Variants in GRM2 observed in about 807,000 individuals in gnomAD.
GRM2 encodes the protein glutamate metabotropic receptor 2.
GRM2 carries 35 observed loss-of-function variants against 60.4 expected under a neutral mutation model. The ratio of observed to expected loss-of-function variants is 0.58; its 90% CI spans 0.44 to 0.77. The LOEUF is 0.77. Among genes scored for constraint, GRM2 ranks in the 30% least tolerant of loss-of-function variants. The pLI is 0.00. For missense variants in GRM2, 925 were observed against 1,199.5 expected (o/e 0.77, Z 3.38); for synonymous variants, 437 against 484.1 (o/e 0.90, Z 1.28).
In GRM2 at chr3:51,715,637, A is replaced by T. The variant is rs757850729; in HGVS notation, c.1864A>T (p.Ile622Phe). The change falls in exon 4 of 6, where the codon ATC (isoleucine) becomes TTC (phenylalanine). Residue 622 changes from isoleucine to phenylalanine, a missense_variant. Coordinates refer to ENST00000395052, the MANE Select transcript of GRM2 (RefSeq NM_000839.5). The surrounding 1 kb of genome is among the most constrained non-coding windows in gnomAD (Gnocchi z 9.0). Reference sequence around the variant, plus strand: ...CTTCCTCTGCTACTGCATGACCTTCATCTTCATTGCCAAGCCATCCACGGC... The same window carrying T: ...CTTCCTCTGCTACTGCATGACCTTCTTCTTCATTGCCAAGCCATCCACGGC... Reference protein sequence around the residue: ...GVFLCYCMTFIFIAKPSTAVC... With the variant: ...GVFLCYCMTFFFIAKPSTAVC... 6.2e-7 allele frequency: 1 copy of T among 1,614,152 alleles called. No individual in the cohort carries two copies. Among genetic ancestry groups the T allele is most frequent in the East Asian group, 2.2e-5 (1 of 44,878 alleles).
At position 51,713,115 on chromosome 3, in the gene GRM2, C is replaced by T. The variant is rs556933149; in HGVS notation, c.1093C>T (p.His365Tyr). 2 of 1,613,148 alleles carry T rather than the reference C, an allele frequency of 1.2e-6. No individual in the cohort carries two copies. Among genetic ancestry groups the T allele is most frequent in the East Asian group, 2.2e-5 (1 of 44,880 alleles). ...CSFRQRDCAA[H>Y]SLRAVPFEQE... ...CTTCCGGCAGCGAGACTGCGCAGCC[C>T]ACTCTCTCCGGGCTGTGCCCTTTGA... is the stretch of plus-strand genomic sequence containing the variant. Residue 365 changes from histidine to tyrosine, a missense_variant, in exon 3 of 6, where the codon CAC (histidine) becomes TAC (tyrosine). Physicochemically the swap from His to Tyr is moderately conservative, Grantham distance 83. Coordinates refer to ENST00000395052, the MANE Select transcript of GRM2 (RefSeq NM_000839.5). This position sits in a 1 kb window ranked among gnomAD's most constrained non-coding sequence, Gnocchi z 4.8.
Position 51,717,907 on chromosome 3 carries a change from C to G in GRM2, c.2545+90C>G. 2.1e-6 allele frequency: 3 copies of G among 1,436,026 alleles called. No individual in the cohort carries two copies. The highest frequency in any genetic ancestry group is 2.9e-6 in the Non-Finnish European group (3 of 1,020,604). The allele number at this position is 1,436,026 out of a possible 1,614,324, so 89.0% of individuals were successfully genotyped here. On this transcript the variant is annotated intron_variant, in intron 5 of 5. Transcript: ENST00000395052. This position sits in a 1 kb window ranked among gnomAD's most constrained non-coding sequence, Gnocchi z 6.0. ...AGATCTCTTGTCTGGGGGTGAGGTG[C>G]CCCCCAAATGACACTGGCAGGAGAG...
intron 2 of GRM2, among the ~76,000 whole-genome samples, chr3:51,710,730 C>T (rs1703684455): frequency 6.6e-6 from 1 of 152,248 alleles, no homozygotes; most frequent in South Asian, 2.1e-4. Context: ...CCTACTCTCC[C>T]ACAGGGACCA....
intron 2 of GRM2, among the ~76,000 whole-genome samples, chr3:51,710,849 G>A (rs952492677): frequency 6.6e-6 from 1 of 152,226 alleles, no homozygotes; most frequent in African/African-American, 2.4e-5. Flanking sequence ...CTCTGACTGG[G>A]TCCTACCTCT....
chr3:51,717,963 C>A lies in GRM2; in HGVS notation c.2546-76C>A. 1 of 1,475,018 alleles carries A rather than the reference C, an allele frequency of 6.8e-7. No individual in the cohort carries two copies. The highest frequency in any genetic ancestry group is 9.5e-7 in the Non-Finnish European group (1 of 1,053,020). 91.4% of individuals were successfully genotyped at this position (1,475,018 alleles called of 1,614,324 possible). A position where few individuals can be genotyped will look rare whatever the true frequency, so the allele number is the denominator to read the frequency against. ...GAGAGGGGAGGGGAGGCTTCCCTCA[C>A]AGCCCTGCTTCCCCACTGCCTGCCC... On this transcript the variant is annotated intron_variant, in intron 5 of 5. Coordinates refer to ENST00000395052, the MANE Select transcript of GRM2 (RefSeq NM_000839.5). This position sits in a 1 kb window ranked among gnomAD's most constrained non-coding sequence, Gnocchi z 6.0.
In GRM2 at chr3:51,716,160, C is replaced by T. The variant is rs561943663; in HGVS notation, c.2364+23C>T. On this transcript the variant is annotated intron_variant, in intron 4 of 5. Coordinates refer to ENST00000395052, the MANE Select transcript of GRM2 (RefSeq NM_000839.5). The surrounding 1 kb of genome is among the most constrained non-coding windows in gnomAD (Gnocchi z 4.0). ...CGGGTGAGCTACCTGCCACAGAGGT[C>T]GGGGGAGATGGGACACCAGACCCTC... is the stretch of plus-strand genomic sequence containing the variant. 3.0e-5 allele frequency: 44 copies of T among 1,489,314 alleles called. No homozygotes were observed. The highest frequency in any genetic ancestry group is 3.4e-5 in the South Asian group (3 of 88,026). The allele number at this position is 1,489,314 out of a possible 1,614,324, so 92.3% of individuals were successfully genotyped here.
chr3:51,709,553 T>G, intron 2 of GRM2, 120 bp downstream of exon 2: 1 of 688,912 alleles, frequency 1.5e-6, no homozygotes, highest in South Asian at 2.1e-5. Context: ...GAAGCTTCCT[T>G]GCAGTAGCTT....
intron 2 of GRM2, among the ~76,000 whole-genome samples, chr3:51,709,709 A>C (rs1182927634): frequency 0.011 from 1 of 94 alleles, no homozygotes; most frequent in African/African-American, 0.05. Flanking sequence ...ACACACACAC[A>C]CAGCCCCCCA....
chr3:51,715,976 A>G lies in GRM2; in HGVS notation c.2203A>G (p.Asn735Asp). The change falls in exon 4 of 6, where the codon AAT becomes GAT. Residue 735 changes from asparagine (N) to aspartate (D), a missense_variant. Coordinates refer to ENST00000395052, the MANE Select transcript of GRM2 (RefSeq NM_000839.5). The surrounding 1 kb of genome is among the most constrained non-coding windows in gnomAD (Gnocchi z 9.0). ...DASMLGSLAYNVLLIALCTLY... is the reference protein window; with the variant it reads ...DASMLGSLAYDVLLIALCTLY... Reference sequence around the variant, plus strand: ...AAGTATGTTGGGCTCGCTGGCCTACAATGTGCTCCTCATCGCGCTCTGCAC... The same window carrying G: ...AAGTATGTTGGGCTCGCTGGCCTACGATGTGCTCCTCATCGCGCTCTGCAC... 1.2e-6 allele frequency: 2 copies of G among 1,614,100 alleles called. No homozygotes were observed. Among genetic ancestry groups the G allele is most frequent in the Non-Finnish European group, 1.7e-6 (2 of 1,179,994 alleles).
rs200690482 is a variant in GRM2, at chr3:51,715,166, C to T, written c.1393C>T (p.Arg465Cys). ...CACCTATCTGCGTGCAGGCAGTGGG[C>T]GCTATCGCTACCAGAAGGTGGGCTA... Reference protein sequence around the residue: ...IFTYLRAGSGRYRYQKVGYWA... With the variant: ...IFTYLRAGSGCYRYQKVGYWA... Residue 465 changes from arginine to cysteine, a missense_variant, in exon 4 of 6, where the codon CGC (arginine) becomes TGC (cysteine). Physicochemically the swap from Arg to Cys is radical, Grantham distance 180. Transcript: ENST00000395052. The surrounding 1 kb of genome is among the most constrained non-coding windows in gnomAD (Gnocchi z 9.0). The T allele has an allele frequency of 1.1e-5, 17 of 1,613,826 alleles. No homozygotes were observed. The highest frequency in any genetic ancestry group is 2.2e-5 in the East Asian group (1 of 44,884).
chr3:51,715,911 G>A lies in GRM2; in HGVS notation c.2138G>A (p.Arg713Gln), dbSNP rs144237630. ...PGTGKETAPE[R>Q]REVVTLRCNH... is the part of the protein sequence containing the mutation. ...ACAGGCAAGGAGACAGCCCCCGAAC[G>A]GCGGGAGGTGGTGACACTGCGCTGC... The change falls in exon 4 of 6, where the codon CGG becomes CAG. Residue 713 changes from arginine to glutamine, a missense_variant. Transcript: ENST00000395052. This position sits in a 1 kb window ranked among gnomAD's most constrained non-coding sequence, Gnocchi z 9.0. The A allele has an allele frequency of 3.6e-5, 58 of 1,613,498 alleles. No homozygotes were observed. The highest frequency in any genetic ancestry group is 2.1e-4 in the African/African-American group (16 of 75,072).
chr3:51,717,550 C>T lies in GRM2; in HGVS notation c.2365-87C>T, dbSNP rs915197619. ...CCAGTGTTGGATGCTTAGTCTCCCCCACTCCCTCCCCCACAGATCAGGCAG... is the reference window on the plus strand; with the variant it reads ...CCAGTGTTGGATGCTTAGTCTCCCCTACTCCCTCCCCCACAGATCAGGCAG... On this transcript the variant is annotated intron_variant, in intron 4 of 5. Coordinates refer to ENST00000395052, the MANE Select transcript of GRM2 (RefSeq NM_000839.5). The surrounding 1 kb of genome is among the most constrained non-coding windows in gnomAD (Gnocchi z 6.0). 8.5e-6 allele frequency: 9 copies of T among 1,058,400 alleles called. No individual in the cohort carries two copies. Among genetic ancestry groups the T allele is most frequent in the Non-Finnish European group, 1.1e-5 (8 of 708,246 alleles). 65.6% of individuals were successfully genotyped at this position (1,058,400 alleles called of 1,614,324 possible). A position where few individuals can be genotyped will look rare whatever the true frequency, so the allele number is the denominator to read the frequency against.
chr3:51,713,893 A>T lies in GRM2; in HGVS notation c.1288+583A>T, dbSNP rs1045964419. ...TGCCTCAGTCTCCAGAGTAGCTAGG[A>T]TGACAGGCATGTGGCACTGCTCCTA... On this transcript the variant is annotated intron_variant, in intron 3 of 5. Transcript: ENST00000395052. This position sits in a 1 kb window ranked among gnomAD's most constrained non-coding sequence, Gnocchi z 4.8. The T allele has an allele frequency of 4.6e-6, 2 of 436,198 alleles. No homozygotes were observed. Among genetic ancestry groups the T allele is most frequent in the Admixed American group, 2.4e-5 (1 of 40,988 alleles). The allele number at this position is 436,198 out of a possible 1,614,324, so 27.0% of individuals were successfully genotyped here.
At chr3:51,714,127 T>C in intron 3 of GRM2, 1 of 346,502 alleles carries the variant, frequency 2.9e-6, no homozygotes, top group Non-Finnish European at 5.8e-6. Context: ...GAAGAGTACT[T>C]CCAATAGAAC....
chr3:51,713,199 C>T lies in GRM2; in HGVS notation c.1177C>T (p.His393Tyr). ...NAVYAMAHAL[H>Y]NMHRALCPNT... The stretch of plus-strand genomic sequence containing the variant: ...AGTGTACGCCATGGCCCATGCGCTC[C>T]ACAACATGCACCGTGCCCTCTGCCC... Residue 393 changes from histidine to tyrosine, a missense_variant, in exon 3 of 6, where the codon CAC (histidine) becomes TAC (tyrosine). By Grantham distance (83) the His-to-Tyr change is moderately conservative (BLOSUM62 2). Transcript: ENST00000395052. The surrounding 1 kb of genome is among the most constrained non-coding windows in gnomAD (Gnocchi z 4.8). The T allele has an allele frequency of 2.5e-6, 4 of 1,613,208 alleles. No homozygotes were observed. The highest frequency in any genetic ancestry group is 3.4e-6 in the Non-Finnish European group (4 of 1,180,024).
Position 51,712,392 on chromosome 3 carries a change from G to A in GRM2, c.451-81G>A. 2.2e-6 allele frequency: 2 copies of A among 914,096 alleles called. No homozygotes were observed. Among genetic ancestry groups the A allele is most frequent in the Admixed American group, 1.9e-5 (1 of 53,186 alleles). 56.6% of individuals were successfully genotyped at this position (914,096 alleles called of 1,614,324 possible). On this transcript the variant is annotated intron_variant, in intron 2 of 5. Coordinates refer to ENST00000395052, the MANE Select transcript of GRM2 (RefSeq NM_000839.5). This position sits in a 1 kb window ranked among gnomAD's most constrained non-coding sequence, Gnocchi z 5.3. ...TGACCTTGTGGACACTTGACACCAAGACCTGCTAGCTGTGGGGGATGCACC... is the reference window on the plus strand; with the variant it reads ...TGACCTTGTGGACACTTGACACCAAAACCTGCTAGCTGTGGGGGATGCACC...
Position 51,715,688 on chromosome 3 carries a change from T to C in GRM2, c.1915T>C (p.Leu639=). 1 of 1,614,268 alleles carries C rather than the reference T, an allele frequency of 6.2e-7. No homozygotes were observed. The highest frequency in any genetic ancestry group is 8.5e-7 in the Non-Finnish European group (1 of 1,180,052). ...AGTGTGTACCTTACGGCGTCTTGGT[T>C]TGGGCACTGCCTTCTCTGTCTGCTA... ...TAVCTLRRLG[L]GTAFSVCYSA... Residue 639 remains leucine (L), a synonymous_variant, in exon 4 of 6, where the codon TTG becomes CTG. Transcript: ENST00000395052. The surrounding 1 kb of genome is among the most constrained non-coding windows in gnomAD (Gnocchi z 9.0).
In GRM2 at chr3:51,713,180, C is replaced by G; in HGVS notation, c.1158C>G (p.Tyr386Ter). The stretch of plus-strand genomic sequence containing the variant: ...TCATGTTTGTGGTCAATGCAGTGTA[C>G]GCCATGGCCCATGCGCTCCACAACA... ...SKIMFVVNAV[Y>*]AMAHALHNMH... Residue 386 changes from tyrosine (Y) to a stop codon, truncating the protein, a stop_gained, in exon 3 of 6, where the codon TAC (tyrosine) becomes TAG (stop). Coordinates refer to ENST00000395052, the MANE Select transcript of GRM2 (RefSeq NM_000839.5). LOFTEE classifies it high-confidence loss of function. This position sits in a 1 kb window ranked among gnomAD's most constrained non-coding sequence, Gnocchi z 4.8. 6.2e-7 allele frequency: 1 copy of G among 1,613,170 alleles called. No homozygotes were observed. Among genetic ancestry groups the G allele is most frequent in the African/African-American group, 1.3e-5 (1 of 75,072 alleles).
chr3:51,709,027 G>A lies in GRM2; in HGVS notation c.44G>A (p.Gly15Asp), dbSNP rs1365229369. 1.3e-6 allele frequency: 2 copies of A among 1,597,940 alleles called. No homozygotes were observed. Among genetic ancestry groups the A allele is most frequent in the Admixed American group, 3.4e-5 (2 of 59,694 alleles). ...LALLALLLLW[G>D]AVAEGPAKKV... ...CTCCTGGCACTGCTGCTGCTGTGGG[G>A]TGCTGTGGCTGAGGGCCCAGCCAAG... Residue 15 changes from glycine to aspartate, a missense_variant, in exon 2 of 6, where the codon GGT (glycine) becomes GAT (aspartate). Transcript: ENST00000395052.
Sources: allele counts gnomAD v4.1 joint callset (sites outside exome capture counted in the v4.1 genomes callset), GRCh38; gene constraint gnomAD v4.1.1; non-coding constraint Gnocchi (gnomAD v3.1); transcripts MANE v1.5; gene names NCBI Gene and HGNC (gene_info 2026-07-23, HGNC 2026-07-21).